TRAM2: variants seen among roughly 807,000 people sequenced by gnomAD.
The protein encoded by TRAM2 is translocation associated membrane protein 2, also known as translocating chain-associated membrane protein 2.
TRAM2 carries 12 observed loss-of-function variants against 51.0 expected under a neutral mutation model. The observed-to-expected ratio is 0.24, with a 90% CI of 0.15 to 0.38. The LOEUF is 0.38. TRAM2 is among the 10% of genes least tolerant of loss of function. The pLI is 1.00. For synonymous variants in TRAM2, 175 were observed against 179.4 expected (o/e 0.98, Z 0.20); for missense variants, 361 against 462.0 (o/e 0.78, Z 2.00).
intron 2 of TRAM2, among the ~76,000 whole-genome samples, chr6:52,520,574 G>A (rs1766654113): frequency 6.6e-6 from 1 of 152,198 alleles, no homozygotes; most frequent in South Asian, 2.1e-4. Flanking sequence ...CCTCTTTCAT[G>A]GTTTTAAAAT....
At chr6:52,567,778 A>G (rs765545820) in intron 1 of TRAM2, among the ~76,000 whole-genome samples, 4 of 152,224 alleles carry the variant, frequency 2.6e-5, no homozygotes, top group Non-Finnish European at 5.9e-5. Flanking sequence ...CTTCTCCACC[A>G]TGGGTTCTGC....
chr6:52,563,538 T>C (rs954639050), intron 1 of TRAM2, among the ~76,000 whole-genome samples: 7 of 151,478 alleles, frequency 4.6e-5, no homozygotes, highest in African/African-American at 1.7e-4. Flanking sequence ...GCTAACACGG[T>C]GAAACCCCGT....
At chr6:52,535,739 A>G in intron 2 of TRAM2, 44 bp downstream of exon 2, 2 of 1,550,982 alleles carry the variant, frequency 1.3e-6, no homozygotes, top group African/African-American at 1.4e-5. Context: ...CAGGTCCTTC[A>G]GGGTTAACAG....
intron 2 of TRAM2, among the ~76,000 whole-genome samples, chr6:52,529,049 C>T (rs538366739): frequency 6.6e-6 from 1 of 152,218 alleles, no homozygotes; most frequent in Admixed American, 6.5e-5. Flanking sequence ...CACCACCACG[C>T]CCGGCTAATT....
chr6:52,507,493 G>T, intron 7 of TRAM2, 60 bp downstream of exon 7: 1 of 1,538,776 alleles, frequency 6.5e-7, no homozygotes, highest in African/African-American at 1.4e-5. Flanking sequence ...ATGAGTGTGT[G>T]GACAGATGCA....
Position 52,535,860 on chromosome 6 carries a change from G to T in TRAM2, c.121-14C>A, listed in dbSNP as rs1766970203. The T allele has an allele frequency of 1.2e-6, 2 of 1,612,250 alleles. No individual in the cohort carries two copies. Among genetic ancestry groups the T allele is most frequent in the Non-Finnish European group, 1.7e-6 (2 of 1,178,928 alleles). ...CTTGGCTGTGACCTGTAAAACAAAG[G>T]AAAAGAGTTCCAGTTTAGCTTTTGG... is the stretch of plus-strand genomic sequence containing the variant. On this transcript the variant is annotated splice_polypyrimidine_tract_variant and intron_variant, in intron 1 of 10. Coordinates refer to ENST00000182527, the MANE Select transcript of TRAM2 (RefSeq NM_012288.4).
chr6:52,514,733 G>A (rs770212619), intron 4 of TRAM2, among the ~76,000 whole-genome samples: 5 of 152,348 alleles, frequency 3.3e-5, no homozygotes, highest in South Asian at 2.1e-4. Flanking sequence ...CCTGAACGGC[G>A]TCTTTGGTAT....
intron 1 of TRAM2, among the ~76,000 whole-genome samples, chr6:52,539,264 C>A (rs922924972): frequency 6.6e-6 from 1 of 152,172 alleles, no homozygotes; most frequent in Non-Finnish European, 1.5e-5. Context: ...AGGATGAGAG[C>A]CGGAACTGGA....
intron 2 of TRAM2, among the ~76,000 whole-genome samples, chr6:52,519,327 C>T (rs1029885633): frequency 8.5e-5 from 13 of 152,194 alleles, no homozygotes; most frequent in African/African-American, 2.9e-4. Flanking sequence ...CTTGAAGAGA[C>T]ATTTCTCCAA....
intron 1 of TRAM2, among the ~76,000 whole-genome samples, chr6:52,568,824 C>T (rs1036194529): frequency 6.6e-6 from 1 of 152,108 alleles, no homozygotes; most frequent in African/African-American, 2.4e-5. Flanking sequence ...GATGAAGGAA[C>T]AAACTGATTA....
chr6:52,545,202 C>T (rs1767177045), intron 1 of TRAM2, among the ~76,000 whole-genome samples: 1 of 152,158 alleles, frequency 6.6e-6, no homozygotes, highest in African/African-American at 2.4e-5. Context: ...AGAGGCTGGA[C>T]CCCCATCTGA....
intron 9 of TRAM2, among the ~76,000 whole-genome samples, chr6:52,505,356 G>A (rs1766328034): frequency 6.6e-6 from 1 of 152,234 alleles, no homozygotes; most frequent in African/African-American, 2.4e-5. Flanking sequence ...CAAAGTGCCA[G>A]ACAAATGTAA....
In TRAM2 at chr6:52,501,462, C is replaced by T. The variant is rs2114054867; in HGVS notation, c.*1735G>A. ...TTCTACTGTGATGTCAGAAAGATGACCAGTATTCCAAATGACACTACTATT... is the reference window on the plus strand; with the variant it reads ...TTCTACTGTGATGTCAGAAAGATGATCAGTATTCCAAATGACACTACTATT... On this transcript the variant is annotated 3_prime_UTR_variant, in exon 11 of 11. Coordinates refer to ENST00000182527, the MANE Select transcript of TRAM2 (RefSeq NM_012288.4). The T allele has an allele frequency of 6.6e-6, 1 of 152,322 alleles. No individual in the cohort carries two copies. The highest frequency in any genetic ancestry group is 1.9e-4 in the East Asian group (1 of 5,192). The allele number at this position is 152,322 out of a possible 1,614,324, so 9.4% of individuals were successfully genotyped here.
intron 10 of TRAM2, among the ~76,000 whole-genome samples, chr6:52,503,500 G>T (rs982947213): frequency 3.9e-5 from 6 of 151,936 alleles, no homozygotes; most frequent in Admixed American, 3.3e-4. Context: ...TGTTTGAGAG[G>T]CTTGGTCTCT....
intron 1 of TRAM2, among the ~76,000 whole-genome samples, chr6:52,560,388 T>A (rs1007687372): frequency 6.6e-6 from 1 of 152,184 alleles, no homozygotes; most frequent in Non-Finnish European, 1.5e-5. Flanking sequence ...TATATAAACA[T>A]AAAGTTTCTT....
chr6:52,569,404 A>AAAAG (rs1767642270), intron 1 of TRAM2, among the ~76,000 whole-genome samples: 1 of 150,360 alleles, frequency 6.7e-6, no homozygotes. Flanking sequence ...AAAAAAAAAA[A>AAAAG]AAAGAAAGAA....
In TRAM2 at chr6:52,557,471, GACAAGGAA is replaced by G. The variant is rs1767430036; in HGVS notation, c.120+19317_120+19324del. ...CAAGAATTTTCAACCCCATTTTACT[GACAAGGAA>G]ACGGCCACAGTTAAGTAACTTCATC... is the stretch of plus-strand genomic sequence containing the variant. On this transcript the variant is annotated intron_variant, in intron 1 of 10. Transcript: ENST00000182527. 2.6e-5 allele frequency among the ~76,000 whole-genome samples: 4 copies of G among 152,264 alleles called. No individual in the cohort carries two copies. The South Asian group carries it at 8.3e-4, about 32-fold the overall frequency.
At chr6:52,560,069 C>T (rs995123091) in intron 1 of TRAM2, among the ~76,000 whole-genome samples, 9 of 151,944 alleles carry the variant, frequency 5.9e-5, no homozygotes, top group Non-Finnish European at 8.8e-5. Context: ...GGTGAAACCC[C>T]GTCTCTATTA....
At chr6:52,542,637 A>G (rs896051523) in intron 1 of TRAM2, among the ~76,000 whole-genome samples, 1 of 152,228 alleles carries the variant, frequency 6.6e-6, no homozygotes, top group Admixed American at 6.5e-5. Flanking sequence ...CACACAACAG[A>G]TTCTCTACAA....
Sources: gnomAD v4.1 joint callset for allele counts (sites outside exome capture counted in the v4.1 genomes callset) on GRCh38, gnomAD v4.1.1 for gene constraint, MANE v1.5 for transcripts, NCBI Gene and HGNC (gene_info 2026-07-23, HGNC 2026-07-21) for gene names.